The following CFAP47 variants were observed in gnomAD, a reference collection of about 807,000 sequenced individuals.
CFAP47 encodes cilia and flagella associated protein 47, also known as cilia- and flagella-associated protein 47.
In CFAP47, 29 loss-of-function variants were observed where a neutral mutation model predicts 148.1. That is an observed-to-expected ratio of 0.20 (90% CI 0.15 to 0.27). The LOEUF (loss-of-function observed/expected upper bound fraction) is 0.27, where lower values mean the gene tolerates loss of function less well. Ranked by LOEUF, CFAP47 falls within the 10% of genes least tolerant of loss-of-function variation. CFAP47 has a pLI of 1.00. For missense variants in CFAP47, 1,872 were observed against 1,697.5 expected, an observed-to-expected ratio of 1.10 and a Z score of -1.81; for synonymous variants, 664 against 577.3, an observed-to-expected ratio of 1.15 and a Z score of -2.15.
At chrX:36,220,309 C>A (rs183828545) in intron 45 of CFAP47, among the ~76,000 whole-genome samples, 1 of 110,771 alleles carries the variant, frequency 9.0e-6, no homozygotes, top group Admixed American at 9.7e-5. Context: ...GCGTGTATTC[C>A]GAAATCTGAA....
At chrX:36,210,843 C>T (rs1219382677) in intron 45 of CFAP47, among the ~76,000 whole-genome samples, 1 of 112,593 alleles carries the variant, frequency 8.9e-6, no homozygotes, top group Non-Finnish European at 1.9e-5. Context: ...CTTTAGTTCT[C>T]ACATTTAGGT....
At chrX:36,340,462 T>C (rs1941642920) in intron 57 of CFAP47, among the ~76,000 whole-genome samples, 1 of 111,884 alleles carries the variant, frequency 8.9e-6, no homozygotes, top group African/African-American at 3.3e-5. Context: ...ACGAGTCCAA[T>C]GTCAAAGTGT....
chrX:36,235,054 C>A (rs782819164), intron 46 of CFAP47, among the ~76,000 whole-genome samples: 1 of 111,360 alleles, frequency 9.0e-6, no homozygotes, highest in South Asian at 3.9e-4. Context: ...TTAGGCTGCT[C>A]GGGGGTCAGG....
intron 29 of CFAP47, among the ~76,000 whole-genome samples, chrX:36,081,450 T>A: frequency 9.0e-6 from 1 of 111,407 alleles, no homozygotes; most frequent in Non-Finnish European, 1.9e-5. Flanking sequence ...CTGATTCTAT[T>A]CCAAAAAATC....
intron 30 of CFAP47, among the ~76,000 whole-genome samples, chrX:36,092,057 T>C (rs1938194197): frequency 9.0e-6 from 1 of 111,388 alleles, no homozygotes; most frequent in Non-Finnish European, 1.9e-5. Flanking sequence ...ATATTCATAT[T>C]AAGAGTTTGG....
chrX:36,125,713 AGT>A (rs3047121), intron 33 of CFAP47, among the ~76,000 whole-genome samples: 10,774 of 111,305 alleles, frequency 0.097, 1,036 homozygotes, highest in African/African-American at 0.3. Flanking sequence ...GAGAAACAAC[AGT>A]GTTTGTGATA....
chrX:36,080,430 G>A (rs1937953610), intron 29 of CFAP47, among the ~76,000 whole-genome samples: 1 of 111,546 alleles, frequency 9.0e-6, no homozygotes, highest in South Asian at 3.8e-4. Context: ...CCATTACTGG[G>A]TATATACCCA....
chrX:35,919,824 A>C lies in CFAP47; in HGVS notation c.25A>C (p.Thr9Pro). 2 of 1,206,632 alleles carry C rather than the reference A, an allele frequency of 1.7e-6. No homozygotes were observed. Among genetic ancestry groups the C allele is most frequent in the African/African-American group, 3.5e-5 (2 of 57,389 alleles). MNTQKGSL[T>P]INVHRGSLAM... ...CATGAACACCCAAAAGGGTTCCCTC[A>C]CCATAAACGTCCACAGAGGTTCCCT... The change falls in exon 1 of 64, where the codon ACC becomes CCC. Residue 9 changes from threonine to proline, a missense_variant. Thr to Pro is a conservative substitution (Grantham distance 38, BLOSUM62 -1). Coordinates refer to ENST00000378653, the MANE Select transcript of CFAP47 (RefSeq NM_001304548.2).
In CFAP47 at chrX:36,192,162, A is replaced by G. The variant is rs181306054; in HGVS notation, c.6321+1966A>G. Among the ~76,000 whole-genome samples the G allele has an allele frequency of 2.7e-3, 306 of 111,883 alleles. 1 individual carries two copies. Among genetic ancestry groups the G allele is most frequent in the African/African-American group, 9.7e-3 (298 of 30,861 alleles). The stretch of plus-strand genomic sequence containing the variant: ...AAATAAAGTTGAAAAGATTTAAGGA[A>G]CAACTATTTAAAAACAGAATAGTTT... On this transcript the variant is annotated intron_variant, in intron 42 of 63. Transcript: ENST00000378653.
Position 36,306,777 on chromosome X carries a change from C to G in CFAP47, c.8088C>G (p.Ile2696Met). The change falls in exon 55 of 64, where the codon ATC (isoleucine) becomes ATG (methionine). Residue 2696 changes from isoleucine to methionine, a missense_variant. Ile to Met is a conservative substitution (Grantham distance 10). Coordinates refer to ENST00000378653, the MANE Select transcript of CFAP47 (RefSeq NM_001304548.2). ...VLDINRKSQL[I>M]ISPHSTTELP... ...TGCTTTTTCCATTTACACAGCTGAT[C>G]ATATCTCCTCACTCCACCACAGAAT... 1 of 1,145,191 alleles carries G rather than the reference C, an allele frequency of 8.7e-7. No individual in the cohort carries two copies. The highest frequency in any genetic ancestry group is 1.2e-6 in the Non-Finnish European group (1 of 855,665). The allele number at this position is 1,145,191 out of a possible 1,213,427, so 94.4% of individuals were successfully genotyped here. A position where few individuals can be genotyped will look rare whatever the true frequency, so the allele number is the denominator to read the frequency against.
intron 9 of CFAP47, among the ~76,000 whole-genome samples, chrX:35,967,097 C>G (rs1218655164): frequency 1.8e-5 from 2 of 111,124 alleles, no homozygotes; most frequent in Non-Finnish European, 3.8e-5. Context: ...CCAGTAGATG[C>G]TGACACTGCC....
At chrX:35,933,061 T>G (rs1461119211) in intron 2 of CFAP47, among the ~76,000 whole-genome samples, 1 of 112,434 alleles carries the variant, frequency 8.9e-6, no homozygotes, top group East Asian at 2.8e-4. Flanking sequence ...ATCCCTGTGT[T>G]ACAAATAATT....
intron 54 of CFAP47, among the ~76,000 whole-genome samples, chrX:36,306,487 C>G (rs189898368): frequency 9.0e-6 from 1 of 110,942 alleles, no homozygotes; most frequent in Non-Finnish European, 1.9e-5. Context: ...ATTGAAGGTT[C>G]GAACTGAGCT....
intron 63 of CFAP47, among the ~76,000 whole-genome samples, chrX:36,382,548 A>G (rs782551119): frequency 1.5e-4 from 17 of 111,805 alleles, no homozygotes; most frequent in Non-Finnish European, 2.6e-4. Flanking sequence ...GTGGGTGGAC[A>G]CAGACCACAT....
intron 32 of CFAP47, among the ~76,000 whole-genome samples, chrX:36,103,763 C>G (rs777650327): frequency 6.2e-4 from 69 of 110,850 alleles, no homozygotes; most frequent in Non-Finnish European, 1.3e-3. Flanking sequence ...TTCGGAAACT[C>G]TTGAGATATA....
chrX:36,020,608 A>G (rs1435813647), intron 22 of CFAP47, among the ~76,000 whole-genome samples: 1 of 111,675 alleles, frequency 9.0e-6, no homozygotes. Flanking sequence ...GTCTCTTCTT[A>G]TAGTTTTTGC....
At chrX:36,173,628 C>T (rs1368433902) in intron 39 of CFAP47, among the ~76,000 whole-genome samples, 3 of 111,931 alleles carry the variant, frequency 2.7e-5, no homozygotes, top group African/African-American at 9.8e-5. Context: ...GATTCTTAAT[C>T]CTGAGTTCTA....
chrX:36,279,868 C>A (rs898464335), intron 49 of CFAP47, among the ~76,000 whole-genome samples: 1 of 109,828 alleles, frequency 9.1e-6, no homozygotes, highest in Non-Finnish European at 1.9e-5. Context: ...CCACGCCTGG[C>A]TAATTTTTGT....
At chrX:36,353,802 A>G (rs1282211763) in intron 60 of CFAP47, 121 bp downstream of exon 60, 20 of 501,066 alleles carry the variant, frequency 4.0e-5, no homozygotes, top group Non-Finnish European at 5.7e-5. Context: ...TCATTTCACT[A>G]CTTATTCACA....
Sources: gnomAD v4.1 joint callset for allele counts (sites outside exome capture counted in the v4.1 genomes callset) on GRCh38, gnomAD v4.1.1 for gene constraint, MANE v1.5 for transcripts, NCBI Gene and HGNC (gene_info 2026-07-23, HGNC 2026-07-21) for gene names.